Variants in ARL6IP6 observed in about 807,000 individuals in gnomAD.
ARL6IP6 encodes the protein ADP-ribosylation factor-like protein 6-interacting protein 6.
A neutral mutation model predicts 21.5 loss-of-function variants in ARL6IP6; 22 were observed. The ratio of observed to expected loss-of-function variants is 1.02; its 90% CI spans 0.73 to 1.46. ARL6IP6 has a LOEUF of 1.46. ARL6IP6 is among the 40% of genes most tolerant of loss of function. The probability of loss-of-function intolerance (pLI) is 0.00; values close to 1 mark genes in which losing one functional copy is unlikely to be tolerated. For synonymous variants in ARL6IP6, 164 were observed against 125.3 expected (o/e 1.31, Z -2.06); for missense variants, 388 against 299.8 (o/e 1.29, Z -2.17).
intron 2 of ARL6IP6, among the ~76,000 whole-genome samples, chr2:152,721,980 C>T (rs989430686): frequency 3.9e-5 from 6 of 152,220 alleles, no homozygotes; most frequent in African/African-American, 9.6e-5. Context: ...TTAGGCTTCT[C>T]AGAGCTTTTA....
intron 3 of ARL6IP6, among the ~76,000 whole-genome samples, chr2:152,758,963 G>A (rs1445862663): frequency 6.6e-6 from 1 of 152,142 alleles, no homozygotes; most frequent in Non-Finnish European, 1.5e-5. Context: ...CCAGAAAGGA[G>A]AGTATTCTGT....
chr2:152,718,791 G>C lies in ARL6IP6; in HGVS notation c.167G>C (p.Arg56Pro). 6.2e-7 allele frequency: 1 copy of C among 1,607,082 alleles called. No individual in the cohort carries two copies. Among genetic ancestry groups the C allele is most frequent in the Non-Finnish European group, 8.5e-7 (1 of 1,176,686 alleles). ...TGCGACCAAGTGGCCCGCGACCTGCGGGCGGAGTTCTCGGCTGGGGCGTGG... is the reference window on the plus strand; with the variant it reads ...TGCGACCAAGTGGCCCGCGACCTGCCGGCGGAGTTCTCGGCTGGGGCGTGG... Reference protein sequence around the residue: ...EGCDQVARDLRAEFSAGAWSE... With the variant: ...EGCDQVARDLPAEFSAGAWSE... Residue 56 changes from arginine (R) to proline (P), a missense_variant, in exon 1 of 4, where the codon CGG becomes CCG. Physicochemically the swap from Arg to Pro is moderately radical, Grantham distance 103. Coordinates refer to ENST00000326446, the MANE Select transcript of ARL6IP6 (RefSeq NM_152522.7).
chr2:152,732,110 ACAT>A (rs1308207610), intron 2 of ARL6IP6, among the ~76,000 whole-genome samples: 1 of 151,982 alleles, frequency 6.6e-6, no homozygotes, highest in African/African-American at 2.4e-5. Flanking sequence ...TCTTGTATAT[ACAT>A]CATTTTATAC....
Position 152,755,320 on chromosome 2 carries a change from G to A in ARL6IP6, c.588-4427G>A, listed in dbSNP as rs547321971. ...GAAGGGGAGTTTCCCTTTCCCCGGG[G>A]GAGTTTAGGGAAGACTGTACTCCTC... On this transcript the variant is annotated intron_variant, in intron 3 of 3. Coordinates refer to ENST00000326446, the MANE Select transcript of ARL6IP6 (RefSeq NM_152522.7). Among the ~76,000 whole-genome samples the A allele has an allele frequency of 9.9e-5, 15 of 152,208 alleles. No individual in the cohort carries two copies. The South Asian group carries it at 2.5e-3, about 25-fold the overall frequency.
intron 3 of ARL6IP6, among the ~76,000 whole-genome samples, chr2:152,748,017 C>T (rs997929284): frequency 1.3e-5 from 2 of 152,172 alleles, no homozygotes; most frequent in African/African-American, 4.8e-5. Context: ...ATTTCTCTAT[C>T]TCCTGTATGT....
At chr2:152,755,394 C>T (rs927565015) in intron 3 of ARL6IP6, among the ~76,000 whole-genome samples, 5 of 152,142 alleles carry the variant, frequency 3.3e-5, no homozygotes, top group East Asian at 1.9e-4. Context: ...TGCAGTTATC[C>T]GGAGGCCTAA....
At chr2:152,759,216 T>TGTTCTTAA (rs371377989) in intron 3 of ARL6IP6, among the ~76,000 whole-genome samples, 14 of 152,170 alleles carry the variant, frequency 9.2e-5, no homozygotes, top group African/African-American at 3.4e-4. Flanking sequence ...AAGAACTCAT[T>TGTTCTTAA]GAAAACCACT....
chr2:152,718,899 C>A lies in ARL6IP6; in HGVS notation c.275C>A (p.Pro92His). The change falls in exon 1 of 4, where the codon CCC (proline) becomes CAC (histidine). Residue 92 changes from proline to histidine, a missense_variant. Coordinates refer to ENST00000326446, the MANE Select transcript of ARL6IP6 (RefSeq NM_152522.7). ...VLPDKRNGIF[P>H]AAAGSRAQPR... ...CCCGATAAGCGCAATGGTATCTTTC[C>A]CGCGGCCGCGGGCAGCAGAGCCCAG... The A allele has an allele frequency of 6.2e-7, 1 of 1,613,924 alleles. No homozygotes were observed. The highest frequency in any genetic ancestry group is 8.5e-7 in the Non-Finnish European group (1 of 1,179,916).
chr2:152,746,234 C>G (rs984451403), intron 3 of ARL6IP6, among the ~76,000 whole-genome samples: 3 of 151,908 alleles, frequency 2.0e-5, no homozygotes. Flanking sequence ...GCCATGTTGC[C>G]CTAGCTGGTC....
chr2:152,733,930 CAAT>C (rs1368744742), intron 2 of ARL6IP6, among the ~76,000 whole-genome samples: 1 of 152,082 alleles, frequency 6.6e-6, no homozygotes, highest in Non-Finnish European at 1.5e-5. Context: ...AGTAGCCCCT[CAAT>C]ATAGATTGAG....
In ARL6IP6 at chr2:152,760,691, T is replaced by C. The variant is rs1487965569; in HGVS notation, c.*851T>C. The C allele has an allele frequency of 6.6e-6, 1 of 152,028 alleles. No individual in the cohort carries two copies. Among genetic ancestry groups the C allele is most frequent in the African/African-American group, 2.4e-5 (1 of 41,418 alleles). 9.4% of individuals were successfully genotyped at this position (152,028 alleles called of 1,614,324 possible). A position where few individuals can be genotyped will look rare whatever the true frequency, so the allele number is the denominator to read the frequency against. ...ATTTCTGTTTCCACAATTCCAAATA[T>C]TTATCTTGGTGTATATATTGTTACT... On this transcript the variant is annotated 3_prime_UTR_variant, in exon 4 of 4. Transcript: ENST00000326446.
In ARL6IP6 at chr2:152,759,758, G is replaced by A. The variant is rs776353229; in HGVS notation, c.599G>A (p.Gly200Glu). Residue 200 changes from glycine (G) to glutamate (E), a missense_variant, in exon 4 of 4, where the codon GGA becomes GAA. By Grantham distance (98) the Gly-to-Glu change is moderately conservative (BLOSUM62 -2). Transcript: ENST00000326446. ...LSPARFKKLT[G>E]HSFHMGYSMA... ...TTCTTTTTTTCTAGGAAACTGACTG[G>A]ACATTCTTTCCACATGGGCTATAGC... 1 of 1,612,504 alleles carries A rather than the reference G, an allele frequency of 6.2e-7. No homozygotes were observed. Among genetic ancestry groups the A allele is most frequent in the Non-Finnish European group, 8.5e-7 (1 of 1,178,958 alleles).
At chr2:152,720,746 T>A (rs1699750119) in intron 2 of ARL6IP6, among the ~76,000 whole-genome samples, 160 bp downstream of exon 2, 1 of 152,240 alleles carries the variant, frequency 6.6e-6, no homozygotes, top group Admixed American at 6.5e-5. Flanking sequence ...GTTATTAGAT[T>A]TCCTTTATAT....
At chr2:152,745,516 G>C (rs1701003546) in intron 3 of ARL6IP6, among the ~76,000 whole-genome samples, 1 of 152,168 alleles carries the variant, frequency 6.6e-6, no homozygotes, top group Admixed American at 6.5e-5. Context: ...GGGTTAGTTA[G>C]TATTCAAATT....
chr2:152,720,766 A>T (rs1186786576), intron 2 of ARL6IP6, among the ~76,000 whole-genome samples, 180 bp downstream of exon 2: 2 of 152,166 alleles, frequency 1.3e-5, no homozygotes, highest in Admixed American at 1.3e-4. Flanking sequence ...TGTGTGGAGT[A>T]TGTGTATGCA....
intron 2 of ARL6IP6, 41 bp downstream of exon 2, chr2:152,720,627 G>T (rs747174341): frequency 3.2e-6 from 5 of 1,556,342 alleles, no homozygotes; most frequent in Non-Finnish European, 4.4e-6. Flanking sequence ...TTGAGCTCAC[G>T]TTTGTGTTTC....
intron 2 of ARL6IP6, among the ~76,000 whole-genome samples, chr2:152,730,482 C>T (rs969208063): frequency 6.6e-6 from 1 of 152,080 alleles, no homozygotes; most frequent in Non-Finnish European, 1.5e-5. Context: ...TAGCAAATAA[C>T]AGCTATTTGG....
intron 3 of ARL6IP6, among the ~76,000 whole-genome samples, chr2:152,735,926 G>A (rs867252194): frequency 6.6e-5 from 10 of 152,214 alleles, no homozygotes; most frequent in Middle Eastern, 3.4e-3. Flanking sequence ...AATTGTGCTA[G>A]TATAGTTATT....
At chr2:152,719,056 A>G in intron 1 of ARL6IP6, 32 bp downstream of exon 1, 3 of 1,484,132 alleles carry the variant, frequency 2.0e-6, no homozygotes, top group Non-Finnish European at 2.7e-6. Context: ...AAGTCTGTCC[A>G]GAGTAAAGTT....
Sources: gnomAD v4.1 joint callset for allele counts (sites outside exome capture counted in the v4.1 genomes callset) on GRCh38, gnomAD v4.1.1 for gene constraint, MANE v1.5 for transcripts, NCBI Gene and HGNC (gene_info 2026-07-23, HGNC 2026-07-21) for gene names.